The following XKR6 variants were observed in gnomAD, a reference collection of about 807,000 sequenced individuals.
XKR6 encodes the protein XK-related protein 6.
Under a neutral mutation model 56.7 loss-of-function variants are expected in XKR6, and 22 were observed. The ratio of observed to expected loss-of-function variants is 0.39; its 90% CI spans 0.28 to 0.55. The LOEUF (loss-of-function observed/expected upper bound fraction) is 0.55. Ranked by LOEUF, XKR6 falls within the 20% of genes least tolerant of loss-of-function variation. The pLI, the probability that XKR6 is intolerant of heterozygous loss-of-function variation, is 0.66. For missense variants in XKR6, 852 were observed against 889.0 expected (o/e 0.96, Z 0.53); for synonymous variants, 524 against 387.8 (o/e 1.35, Z -4.13).
chr8:11,130,220 T>C (rs1800036861), intron 1 of XKR6, among the ~76,000 whole-genome samples: 1 of 152,140 alleles, frequency 6.6e-6, no homozygotes. Context: ...ATGTGTGCAC[T>C]CAGTTTACAG....
chr8:11,024,824 G>T (rs1798824837), intron 1 of XKR6, among the ~76,000 whole-genome samples: 1 of 152,234 alleles, frequency 6.6e-6, no homozygotes, highest in South Asian at 2.1e-4. Context: ...CCTGGGTGTT[G>T]GGGCCCTGGG....
At chr8:10,988,849 G>A (rs898130087) in intron 1 of XKR6, among the ~76,000 whole-genome samples, 1 of 152,194 alleles carries the variant, frequency 6.6e-6, no homozygotes, top group African/African-American at 2.4e-5. Context: ...GGCCTGCTGC[G>A]GAGTTAAGGT....
chr8:11,088,363 G>A (rs146577378), intron 1 of XKR6, among the ~76,000 whole-genome samples: 4 of 152,246 alleles, frequency 2.6e-5, no homozygotes, highest in East Asian at 1.9e-4. Flanking sequence ...GTTTCATTAC[G>A]GACAATTTCA....
chr8:10,954,146 G>C (rs1321870219), intron 1 of XKR6, among the ~76,000 whole-genome samples: 1 of 152,148 alleles, frequency 6.6e-6, no homozygotes, highest in Non-Finnish European at 1.5e-5. Context: ...TTTTCATATG[G>C]ACATATGTTT....
At chr8:10,926,038 C>T (rs1800871402) in intron 1 of XKR6, among the ~76,000 whole-genome samples, 1 of 152,148 alleles carries the variant, frequency 6.6e-6, no homozygotes, top group Non-Finnish European at 1.5e-5. Flanking sequence ...CATGCCTGTC[C>T]TTGACTGTCC....
intron 1 of XKR6, among the ~76,000 whole-genome samples, chr8:11,021,857 G>A (rs986725585): frequency 1.3e-5 from 2 of 151,956 alleles, no homozygotes; most frequent in African/African-American, 4.8e-5. Flanking sequence ...CCTGACCTTG[G>A]CTTCCTGAAC....
intron 1 of XKR6, among the ~76,000 whole-genome samples, chr8:10,996,985 TA>T (rs1488029195): frequency 6.6e-6 from 1 of 152,026 alleles, no homozygotes; most frequent in Non-Finnish European, 1.5e-5. Flanking sequence ...AAAAATAAAA[TA>T]AAATAACAAC....
chr8:11,135,585 T>A (rs1407420184), intron 1 of XKR6, among the ~76,000 whole-genome samples: 1 of 152,174 alleles, frequency 6.6e-6, no homozygotes, highest in African/African-American at 2.4e-5. Context: ...TGTTATCAGA[T>A]ATTAAACTAT....
At chr8:11,154,511 A>T (rs1222265470) in intron 1 of XKR6, among the ~76,000 whole-genome samples, 1 of 152,204 alleles carries the variant, frequency 6.6e-6, no homozygotes, top group Non-Finnish European at 1.5e-5. Context: ...CATAACAATA[A>T]GTGTAACAGC....
At chr8:11,045,770 C>T (rs1408109388) in intron 1 of XKR6, among the ~76,000 whole-genome samples, 1 of 152,164 alleles carries the variant, frequency 6.6e-6, no homozygotes, top group Non-Finnish European at 1.5e-5. Flanking sequence ...GTCTCCACCA[C>T]AGAGGCAGTG....
chr8:10,965,458 G>T (rs1284288197), intron 1 of XKR6, among the ~76,000 whole-genome samples: 1 of 152,220 alleles, frequency 6.6e-6, no homozygotes, highest in Non-Finnish European at 1.5e-5. Context: ...CACCTAGCAT[G>T]GCACCTCGTG....
rs936962143 is a variant in XKR6, at chr8:11,112,278, T to G, written c.764+88298A>C. Among the ~76,000 whole-genome samples the G allele has an allele frequency of 2.0e-5, 3 of 152,242 alleles. 1 individual carries two copies. The South Asian group carries it at 6.2e-4, about 31-fold the overall frequency. ...GATTTTGTTCTTATGCATCTCATACTTTTAGAAACTATTTTTTTAGTCGAG... is the reference window on the plus strand; with the variant it reads ...GATTTTGTTCTTATGCATCTCATACGTTTAGAAACTATTTTTTTAGTCGAG... On this transcript the variant is annotated intron_variant, in intron 1 of 2. Transcript: ENST00000416569.
intron 1 of XKR6, among the ~76,000 whole-genome samples, chr8:11,163,597 A>T (rs1801925434): frequency 6.6e-6 from 1 of 152,252 alleles, no homozygotes; most frequent in African/African-American, 2.4e-5. Context: ...AATAGTGAAT[A>T]ACAAAATATG....
intron 1 of XKR6, among the ~76,000 whole-genome samples, chr8:11,022,581 G>A (rs1325641757): frequency 3.9e-5 from 6 of 152,274 alleles, no homozygotes; most frequent in East Asian, 3.9e-4. Context: ...TGAAGCGGGC[G>A]GCAGGAGCAG....
At chr8:11,051,209 T>C (rs1035400323) in intron 1 of XKR6, among the ~76,000 whole-genome samples, 12 of 152,082 alleles carry the variant, frequency 7.9e-5, no homozygotes, top group Non-Finnish European at 1.3e-4. Context: ...ACACTTCTTC[T>C]TCCTGGTTTG....
chr8:11,184,362 A>C (rs1803153465), intron 1 of XKR6, among the ~76,000 whole-genome samples: 2 of 147,818 alleles, frequency 1.4e-5, no homozygotes, highest in South Asian at 2.1e-4. Context: ...AAATAAATAC[A>C]TATTTTATAT....
At chr8:10,924,533 A>G (rs1800818858) in intron 2 of XKR6, 101 bp downstream of exon 2, 1 of 1,413,140 alleles carries the variant, frequency 7.1e-7, no homozygotes, top group Non-Finnish European at 9.6e-7. Flanking sequence ...AGGATGGGCA[A>G]TGCCCACAGA....
intron 1 of XKR6, chr8:11,108,296 T>A (rs1798756139): frequency 2.2e-6 from 1 of 456,152 alleles, no homozygotes; most frequent in Non-Finnish European, 4.4e-6. Context: ...CCTGAAAATC[T>A]GCTGCAGATT....
intron 1 of XKR6, among the ~76,000 whole-genome samples, chr8:11,089,325 T>A (rs566428028): frequency 4.6e-5 from 7 of 152,088 alleles, no homozygotes; most frequent in African/African-American, 1.4e-4. Context: ...CAGCCTGGGG[T>A]TGAGTGCTTT....
Sources: gnomAD v4.1 joint callset for allele counts (sites outside exome capture counted in the v4.1 genomes callset) on GRCh38, gnomAD v4.1.1 for gene constraint, MANE v1.5 for transcripts, NCBI Gene and HGNC (gene_info 2026-07-23, HGNC 2026-07-21) for gene names.